CMTM6: variants seen among roughly 807,000 people sequenced by gnomAD.
The protein encoded by CMTM6 is CKLF like MARVEL transmembrane domain containing 6, also known as CKLF-like MARVEL transmembrane domain-containing protein 6.
Under a neutral mutation model 13.6 loss-of-function variants are expected in CMTM6, and 5 were observed. The ratio of observed to expected loss-of-function variants is 0.37; its 90% CI spans 0.19 to 0.77. CMTM6 has a LOEUF of 0.77. Among genes scored for constraint, CMTM6 ranks in the 30% least tolerant of loss-of-function variants. The pLI is 0.50. For synonymous variants in CMTM6, 99 were observed against 84.5 expected, an observed-to-expected ratio of 1.17 and a Z score of -0.94; for missense variants, 196 against 218.6, an observed-to-expected ratio of 0.90 and a Z score of 0.65.
At chr3:32,493,112 TCA>T (rs1281294814) in intron 1 of CMTM6, among the ~76,000 whole-genome samples, 4 of 152,366 alleles carry the variant, frequency 2.6e-5, no homozygotes, top group African/African-American at 4.8e-5. Context: ...ATTTTAACAC[TCA>T]GTTTCAGCTT....
chr3:32,496,172 G>A (rs903243639), intron 1 of CMTM6, among the ~76,000 whole-genome samples: 6 of 147,748 alleles, frequency 4.1e-5, no homozygotes, highest in African/African-American at 1.5e-4. Context: ...CTACACTCCA[G>A]CCTGGGTGAC....
chr3:32,495,503 TAA>T (rs926174635), intron 1 of CMTM6, among the ~76,000 whole-genome samples: 2 of 152,228 alleles, frequency 1.3e-5, no homozygotes, highest in African/African-American at 4.8e-5. Flanking sequence ...GTCCAAGTTT[TAA>T]AAGTTTCTCT....
chr3:32,493,283 T>C (rs1240960319), intron 1 of CMTM6, among the ~76,000 whole-genome samples: 1 of 152,190 alleles, frequency 6.6e-6, no homozygotes, highest in Non-Finnish European at 1.5e-5. Flanking sequence ...TCAGGATGCT[T>C]GGTATGGTGA....
Position 32,502,746 on chromosome 3 carries a change from C to T in CMTM6, c.-1G>A. ...GGCTGTACACCGCTCCGTTCTCCAT[C>T]GCCTCGGGCCGGGGAGCGCGGCGGC... On this transcript the variant is annotated 5_prime_UTR_variant, in exon 1 of 4. Coordinates refer to ENST00000205636, the MANE Select transcript of CMTM6 (RefSeq NM_017801.3). 2.8e-6 allele frequency: 4 copies of T among 1,444,876 alleles called. No homozygotes were observed. The highest frequency in any genetic ancestry group is 1.9e-4 in the Middle Eastern group (1 of 5,266). The allele number at this position is 1,444,876 out of a possible 1,614,324, so 89.5% of individuals were successfully genotyped here.
Position 32,482,044 on chromosome 3 carries a change from T to A in CMTM6, c.*1916A>T, listed in dbSNP as rs1007709119. The A allele has an allele frequency of 6.6e-6, 1 of 152,074 alleles. No individual in the cohort carries two copies. Among genetic ancestry groups the A allele is most frequent in the Non-Finnish European group, 1.5e-5 (1 of 68,030 alleles). The allele number at this position is 152,074 out of a possible 1,614,324, so 9.4% of individuals were successfully genotyped here. On this transcript the variant is annotated 3_prime_UTR_variant, in exon 4 of 4. Coordinates refer to ENST00000205636, the MANE Select transcript of CMTM6 (RefSeq NM_017801.3). The stretch of plus-strand genomic sequence containing the variant: ...AGGTCTAAATCACAATGGTACAGTC[T>A]GATGTGAAACTTTAGTCTACCTACC...
intron 1 of CMTM6, among the ~76,000 whole-genome samples, chr3:32,496,116 G>C (rs1192116135): frequency 4.0e-5 from 6 of 151,088 alleles, no homozygotes; most frequent in Non-Finnish European, 8.8e-5. Context: ...CATGAGAATT[G>C]CTTGAACCCA....
chr3:32,494,847 G>A (rs972277901), intron 1 of CMTM6, among the ~76,000 whole-genome samples: 1 of 152,180 alleles, frequency 6.6e-6, no homozygotes, highest in Non-Finnish European at 1.5e-5. Context: ...TGGCAGCCAA[G>A]AGAAAGGGGA....
rs796598096 is a variant in CMTM6 at position 32,484,506 on chromosome 3, GAA to G, written c.415-411_415-410del. On this transcript the variant is annotated intron_variant, in intron 3 of 3. Transcript: ENST00000205636. ...TAGGCAACTCAGCCTAGGTGAAAAT[GAA>G]AAAAGTTATTAATATCAAAACAGAA... 7.9e-5 allele frequency among the ~76,000 whole-genome samples: 12 copies of G among 152,200 alleles called. 1 individual carries two copies. Among genetic ancestry groups the G allele is most frequent in the African/African-American group, 2.9e-4 (12 of 41,528 alleles).
intron 2 of CMTM6, among the ~76,000 whole-genome samples, chr3:32,488,724 G>A (rs1245496956): frequency 6.6e-6 from 1 of 152,152 alleles, no homozygotes; most frequent in Admixed American, 6.5e-5. Flanking sequence ...GAGCTTATAT[G>A]ATGAGTTTAT....
intron 2 of CMTM6, among the ~76,000 whole-genome samples, chr3:32,490,546 T>C (rs1697242123): frequency 6.6e-6 from 1 of 152,200 alleles, no homozygotes; most frequent in Non-Finnish European, 1.5e-5. Flanking sequence ...GATGGACTAA[T>C]TTTTCTTTTT....
chr3:32,484,820 G>C (rs1697188917), intron 3 of CMTM6, among the ~76,000 whole-genome samples: 1 of 152,062 alleles, frequency 6.6e-6, no homozygotes, highest in Admixed American at 6.6e-5. Flanking sequence ...GATGGCTAAA[G>C]TCTCTTCCAA....
chr3:32,494,343 C>A (rs1697272021), intron 1 of CMTM6, among the ~76,000 whole-genome samples: 1 of 152,114 alleles, frequency 6.6e-6, no homozygotes, highest in Non-Finnish European at 1.5e-5. Flanking sequence ...GTAGAAGCAA[C>A]CAGACAGGTT....
chr3:32,490,388 G>GA (rs1411264447), intron 2 of CMTM6, among the ~76,000 whole-genome samples: 1 of 152,102 alleles, frequency 6.6e-6, no homozygotes, highest in Non-Finnish European at 1.5e-5. Flanking sequence ...AAGTGATTTT[G>GA]AAACCCTGCA....
At chr3:32,489,558 G>C (rs937533532) in intron 2 of CMTM6, among the ~76,000 whole-genome samples, 7 of 151,292 alleles carry the variant, frequency 4.6e-5, no homozygotes, top group African/African-American at 1.7e-4. Context: ...GGCTGAGGCA[G>C]GAGAATCACT....
At chr3:32,484,608 A>T (rs1697186873) in intron 3 of CMTM6, among the ~76,000 whole-genome samples, 1 of 152,210 alleles carries the variant, frequency 6.6e-6, no homozygotes, top group Non-Finnish European at 1.5e-5. Context: ...TGACACAGTG[A>T]CATGACGCCA....
intron 2 of CMTM6, among the ~76,000 whole-genome samples, chr3:32,489,407 T>C (rs1174706327): frequency 6.6e-6 from 1 of 152,100 alleles, no homozygotes; most frequent in Non-Finnish European, 1.5e-5. Flanking sequence ...TCCCAGCACT[T>C]TGGGAGGCCA....
chr3:32,501,258 G>A (rs969588054), intron 1 of CMTM6, among the ~76,000 whole-genome samples: 4 of 150,314 alleles, frequency 2.7e-5, no homozygotes, highest in Non-Finnish European at 5.9e-5. Flanking sequence ...TATTCACGTA[G>A]AAAATTTTAG....
intron 1 of CMTM6, among the ~76,000 whole-genome samples, chr3:32,500,506 A>G (rs775506120): frequency 6.6e-6 from 1 of 152,262 alleles, no homozygotes; most frequent in Non-Finnish European, 1.5e-5. Flanking sequence ...GCATTCCTGT[A>G]ACATGACAAT....
intron 3 of CMTM6, chr3:32,487,641 A>G: frequency 4.7e-6 from 1 of 211,660 alleles, no homozygotes; most frequent in Non-Finnish European, 9.4e-6. Flanking sequence ...CATTTATTGA[A>G]CTGAAAGTGG....
Sources: gnomAD v4.1 joint callset for allele counts (sites outside exome capture counted in the v4.1 genomes callset) on GRCh38, gnomAD v4.1.1 for gene constraint, MANE v1.5 for transcripts, NCBI Gene and HGNC (gene_info 2026-07-23, HGNC 2026-07-21) for gene names.